Variants in CDH8 observed in about 807,000 individuals in gnomAD.
The protein encoded by CDH8 is cadherin 8.
CDH8 carries 17 observed loss-of-function variants against 68.1 expected under a neutral mutation model. The observed-to-expected ratio is 0.25, with a 90% confidence interval of 0.17 to 0.37. CDH8 has a LOEUF of 0.37. Among genes scored for constraint, CDH8 ranks in the 10% least tolerant of loss-of-function variants. The pLI, the probability that CDH8 is intolerant of heterozygous loss-of-function variation, is 1.00. For missense variants in CDH8, 763 were observed against 999.3 expected, an observed-to-expected ratio of 0.76 and a Z score of 3.19; for synonymous variants, 372 against 365.1, an observed-to-expected ratio of 1.02 and a Z score of -0.21.
intron 3 of CDH8, among the ~76,000 whole-genome samples, chr16:61,873,126 G>A (rs1443938726): frequency 6.6e-6 from 1 of 152,174 alleles, no homozygotes; most frequent in Non-Finnish European, 1.5e-5. Context: ...GTTAGGGTAT[G>A]TCTTGTGTGA....
chr16:62,020,490 G>GCA (rs537141990), intron 2 of CDH8, among the ~76,000 whole-genome samples: 3 of 88,940 alleles, frequency 3.4e-5, no homozygotes, highest in South Asian at 9.1e-4. Flanking sequence ...ACACACACAC[G>GCA]CGCGCGCGCA....
chr16:61,810,680 G>A (rs1249869245), intron 7 of CDH8, among the ~76,000 whole-genome samples: 1 of 152,074 alleles, frequency 6.6e-6, no homozygotes, highest in Non-Finnish European at 1.5e-5. Flanking sequence ...TGACCTTAAA[G>A]CTCTACAGTT....
intron 2 of CDH8, among the ~76,000 whole-genome samples, chr16:61,930,213 T>A (rs891207946): frequency 7.9e-5 from 12 of 151,680 alleles, no homozygotes; most frequent in African/African-American, 2.9e-4. Flanking sequence ...AAGGTAAAAA[T>A]TTTATTAATA....
At chr16:61,852,217 T>C (rs1962951581) in intron 4 of CDH8, among the ~76,000 whole-genome samples, 1 of 152,076 alleles carries the variant, frequency 6.6e-6, no homozygotes, top group Non-Finnish European at 1.5e-5. Flanking sequence ...GAGAAAGACA[T>C]TTTACTTCAT....
In CDH8 at chr16:61,817,662, C is replaced by T. The variant is rs756389319; in HGVS notation, c.1094G>A (p.Arg365His). The T allele has an allele frequency of 3.1e-6, 5 of 1,613,398 alleles. No individual in the cohort carries two copies. The South Asian group carries it at 3.3e-5, about 11-fold the overall frequency. ...VEAANVHIDP[R>H]FSGRGPFKDT... ...TTTAAAGGGCCCCCTGCCACTGAAG[C>T]GTGGGTCAATATGGACATTGGCTGC... is the stretch of plus-strand genomic sequence containing the variant. Residue 365 changes from arginine to histidine, a missense_variant, in exon 7 of 12, where the codon CGC (arginine) becomes CAC (histidine). By Grantham distance (29) the Arg-to-His change is conservative. Coordinates refer to ENST00000577390, the MANE Select transcript of CDH8 (RefSeq NM_001796.5).
At chr16:61,661,742 G>A (rs1056147529) in intron 10 of CDH8, among the ~76,000 whole-genome samples, 7 of 151,642 alleles carry the variant, frequency 4.6e-5, no homozygotes, top group African/African-American at 1.7e-4. Flanking sequence ...AGGATTTAAA[G>A]AGCAAATTAG....
chr16:61,767,077 T>C (rs1414777486), intron 8 of CDH8, among the ~76,000 whole-genome samples: 1 of 152,002 alleles, frequency 6.6e-6, no homozygotes, highest in African/African-American at 2.4e-5. Context: ...TTCTAAATGA[T>C]ATTTCTTCTG....
At chr16:61,932,865 C>T (rs759257378) in intron 2 of CDH8, among the ~76,000 whole-genome samples, 3 of 152,160 alleles carry the variant, frequency 2.0e-5, no homozygotes, top group Non-Finnish European at 4.4e-5. Flanking sequence ...TGTGAAAATA[C>T]ATATTTTGAT....
At position 61,990,486 on chromosome 16, in the gene CDH8, G is replaced by A. The variant is rs1327316755; in HGVS notation, c.252+30666C>T. Among the ~76,000 whole-genome samples, 4 of 151,506 alleles carry A rather than the reference G, an allele frequency of 2.6e-5. No individual in the cohort carries two copies. The East Asian group carries it at 7.8e-4, about 29-fold the overall frequency. ...GTATTTTAGCTCAAGTCCTCTTAAT[G>A]TTCATATAAAGCAGAGGCATTCCTA... On this transcript the variant is annotated intron_variant, in intron 2 of 11. Coordinates refer to ENST00000577390, the MANE Select transcript of CDH8 (RefSeq NM_001796.5).
intron 10 of CDH8, among the ~76,000 whole-genome samples, chr16:61,701,532 TATGA>T (rs753640128): frequency 3.0e-4 from 46 of 152,192 alleles, no homozygotes; most frequent in Non-Finnish European, 3.7e-4. Flanking sequence ...TTTGAGTGAT[TATGA>T]ATGATCATTA....
intron 2 of CDH8, among the ~76,000 whole-genome samples, chr16:61,979,576 G>A (rs1028891962): frequency 1.5e-4 from 22 of 151,458 alleles, no homozygotes; most frequent in African/African-American, 4.4e-4. Context: ...GGCACAGGGG[G>A]TAAAAAACCT....
intron 9 of CDH8, among the ~76,000 whole-genome samples, chr16:61,715,086 T>C (rs11864730): frequency 0.14 from 20,486 of 151,618 alleles, 1,407 homozygotes; most frequent in Non-Finnish European, 0.15. Context: ...ATTCATTCAA[T>C]TTACTTGAGG....
At chr16:61,796,700 G>A (rs747397854) in intron 7 of CDH8, among the ~76,000 whole-genome samples, 2 of 152,176 alleles carry the variant, frequency 1.3e-5, no homozygotes, top group South Asian at 4.1e-4. Flanking sequence ...TTTCTTGGAA[G>A]TAAATGCTAA....
intron 8 of CDH8, among the ~76,000 whole-genome samples, chr16:61,736,350 A>G (rs749949201): frequency 9.2e-5 from 14 of 152,186 alleles, no homozygotes; most frequent in Non-Finnish European, 1.5e-4. Flanking sequence ...TTATATGGCA[A>G]TGAGCCAGAT....
intron 3 of CDH8, among the ~76,000 whole-genome samples, chr16:61,871,375 T>A (rs1228556688): frequency 6.6e-6 from 1 of 150,632 alleles, no homozygotes; most frequent in Non-Finnish European, 1.5e-5. Context: ...AGAGACAGGA[T>A]CTGGTCTTGA....
chr16:61,962,500 G>T (rs942669025), intron 2 of CDH8, among the ~76,000 whole-genome samples: 1 of 152,134 alleles, frequency 6.6e-6, no homozygotes, highest in Non-Finnish European at 1.5e-5. Flanking sequence ...TGATCTGCAT[G>T]AACCTGCCCT....
chr16:61,974,075 G>C (rs1373522471), intron 2 of CDH8, among the ~76,000 whole-genome samples: 9 of 152,180 alleles, frequency 5.9e-5, no homozygotes, highest in Admixed American at 5.9e-4. Context: ...GCTAGAAAGA[G>C]TAATAACTTG....
intron 2 of CDH8, among the ~76,000 whole-genome samples, chr16:61,911,969 C>G (rs1009608990): frequency 6.6e-6 from 1 of 152,040 alleles, no homozygotes; most frequent in Non-Finnish European, 1.5e-5. Flanking sequence ...TATCAGTGCT[C>G]TTTATGTTTC....
At chr16:61,895,926 C>T (rs777552035) in intron 3 of CDH8, among the ~76,000 whole-genome samples, 1 of 151,896 alleles carries the variant, frequency 6.6e-6, no homozygotes, top group Non-Finnish European at 1.5e-5. Flanking sequence ...GAAAGTCAAG[C>T]TTAGATGGTT....
Sources: allele counts gnomAD v4.1 joint callset (sites outside exome capture counted in the v4.1 genomes callset), GRCh38; gene constraint gnomAD v4.1.1; transcripts MANE v1.5; gene names NCBI Gene and HGNC (gene_info 2026-07-23, HGNC 2026-07-21).